PDE1C: variants seen among roughly 807,000 people sequenced by gnomAD.
PDE1C encodes phosphodiesterase 1C, also known as dual specificity calcium/calmodulin-dependent 3',5'-cyclic nucleotide phosphodiesterase 1C.
PDE1C carries 62 observed loss-of-function variants against 93.1 expected under a neutral mutation model. The observed-to-expected ratio is 0.67, with a 90% CI of 0.54 to 0.82. The LOEUF (loss-of-function observed/expected upper bound fraction) is 0.82. Among genes scored for constraint, PDE1C ranks in the 40% least tolerant of loss-of-function variants. The probability of loss-of-function intolerance (pLI) is 0.00; values close to 1 mark genes in which losing one functional copy is unlikely to be tolerated. For synonymous variants in PDE1C, 325 were observed against 310.1 expected, an observed-to-expected ratio of 1.05 and a Z score of -0.50; for missense variants, 742 against 884.6, an observed-to-expected ratio of 0.84 and a Z score of 2.04.
rs77356439 is a variant in PDE1C at position 32,423,968 on chromosome 7, C to A, written c.310+3854G>T. ...AGGAATTTCTAACAAATGCTAGGAG[C>A]CTCTCATAATCAACTTCAGATTATT... is the stretch of plus-strand genomic sequence containing the variant. On this transcript the variant is annotated intron_variant, in intron 1 of 1. Coordinates refer to the PDE1C transcript ENST00000672256. 4.4e-3 allele frequency among the ~76,000 whole-genome samples: 670 copies of A among 152,266 alleles called. 7 individuals are homozygous for A. The highest frequency in any genetic ancestry group is 0.016 in the African/African-American group (653 of 41,558).
intron 1 of PDE1C, among the ~76,000 whole-genome samples, chr7:32,413,506 G>A (rs868061050): frequency 3.3e-5 from 5 of 152,122 alleles, no homozygotes; most frequent in East Asian, 3.9e-4. Flanking sequence ...CCTCTTACAC[G>A]CAGGACCCAG....
chr7:32,113,491 G>C (rs1322956036), intron 3 of PDE1C, among the ~76,000 whole-genome samples: 1 of 150,516 alleles, frequency 6.6e-6, no homozygotes, highest in Non-Finnish European at 1.5e-5. Flanking sequence ...AAAAATAACT[G>C]TCCTTTTATT....
chr7:32,009,106 A>G (rs1325648365), intron 2 of PDE1C, among the ~76,000 whole-genome samples: 2 of 152,234 alleles, frequency 1.3e-5, no homozygotes, highest in African/African-American at 2.4e-5. Context: ...ATACAAATAC[A>G]TAAAACAATG....
At chr7:32,265,617 A>C (rs1810516619) in intron 1 of PDE1C, among the ~76,000 whole-genome samples, 1 of 152,200 alleles carries the variant, frequency 6.6e-6, no homozygotes, top group Non-Finnish European at 1.5e-5. Flanking sequence ...AAGCTAGGCT[A>C]CTTTTTAGTT....
intron 1 of PDE1C, among the ~76,000 whole-genome samples, chr7:32,220,825 C>G (rs1341763972): frequency 6.6e-6 from 1 of 151,968 alleles, no homozygotes; most frequent in Non-Finnish European, 1.5e-5. Context: ...CTCAAAAAAA[C>G]AAAAACAAAA....
the PDE1C span, chr7:31,643,710 C>A: frequency 2.5e-6 from 4 of 1,613,956 alleles, no homozygotes; most frequent in African/African-American, 2.7e-5. Context: ...AGCCCCTCAC[C>A]AAATCCGTCT....
chr7:32,112,691 G>A (rs1231469060), intron 3 of PDE1C, among the ~76,000 whole-genome samples: 1 of 151,040 alleles, frequency 6.6e-6, no homozygotes, highest in Non-Finnish European at 1.5e-5. Flanking sequence ...CTGGCCTGAA[G>A]CAATTCTCCC....
chr7:32,396,741 G>A (rs1481604246), intron 1 of PDE1C, among the ~76,000 whole-genome samples: 1 of 151,784 alleles, frequency 6.6e-6, no homozygotes, highest in Non-Finnish European at 1.5e-5. Context: ...TTTTTAAACT[G>A]GTGCCAAAAA....
chr7:31,996,896 G>A (rs1316521091), intron 2 of PDE1C, among the ~76,000 whole-genome samples: 1 of 152,142 alleles, frequency 6.6e-6, no homozygotes, highest in African/African-American at 2.4e-5. Context: ...AGATATCAGA[G>A]ATGAGAATTA....
chr7:32,237,173 A>G (rs1202350014), intron 1 of PDE1C, among the ~76,000 whole-genome samples: 2 of 144,484 alleles, frequency 1.4e-5, no homozygotes. Context: ...TGCAAGTTCT[A>G]CCACCCAGGT....
At chr7:32,110,278 C>A (rs984989192) in intron 3 of PDE1C, among the ~76,000 whole-genome samples, 1 of 152,200 alleles carries the variant, frequency 6.6e-6, no homozygotes, top group Non-Finnish European at 1.5e-5. Context: ...TACCCATCCT[C>A]TCTCCATGTG....
At chr7:32,104,954 A>G (rs1057232833) in intron 3 of PDE1C, among the ~76,000 whole-genome samples, 4 of 152,202 alleles carry the variant, frequency 2.6e-5, no homozygotes, top group East Asian at 3.9e-4. Flanking sequence ...TCAAGGCTTC[A>G]GGAAAAAATA....
intron 1 of PDE1C, among the ~76,000 whole-genome samples, chr7:32,353,918 A>C (rs753372431): frequency 5.3e-5 from 8 of 152,218 alleles, no homozygotes; most frequent in Non-Finnish European, 1.0e-4. Context: ...CCATGGTTAG[A>C]TAACTATTGT....
chr7:32,104,686 A>C (rs1798210403), intron 3 of PDE1C, among the ~76,000 whole-genome samples: 1 of 152,184 alleles, frequency 6.6e-6, no homozygotes, highest in Non-Finnish European at 1.5e-5. Flanking sequence ...AAGGAAACTG[A>C]ATCTTTGTTT....
At chr7:31,881,203 A>G (rs750123812) in intron 2 of PDE1C, among the ~76,000 whole-genome samples, 2 of 152,206 alleles carry the variant, frequency 1.3e-5, no homozygotes, top group Non-Finnish European at 2.9e-5. Context: ...CAGCAAAATC[A>G]CCAAATACCT....
At chr7:32,204,462 G>C (rs894027875) in intron 2 of PDE1C, among the ~76,000 whole-genome samples, 2 of 152,160 alleles carry the variant, frequency 1.3e-5, no homozygotes, top group African/African-American at 4.8e-5. Context: ...AGCTCTGTGG[G>C]CACTGTCTCC....
the PDE1C span, among the ~76,000 whole-genome samples, chr7:31,637,565 C>T: frequency 6.6e-6 from 1 of 152,134 alleles, no homozygotes; most frequent in South Asian, 2.1e-4. Context: ...ATATCCTTTA[C>T]CCACTTTTTG....
rs531869732 is a variant in PDE1C, at chr7:31,796,160, T to C, written c.1891+12871A>G. 1.2e-3 allele frequency among the ~76,000 whole-genome samples: 187 copies of C among 150,218 alleles called. 1 individual carries two copies. Among genetic ancestry groups the C allele is most frequent in the Middle Eastern group, 7.1e-3 (2 of 282 alleles). On this transcript the variant is annotated intron_variant, in intron 16 of 17. Transcript: ENST00000396191. ...ATGATTTAAGATGTATGTAATATAG[T>C]TTATCATAGAGGGTATATATTATGT... is the stretch of plus-strand genomic sequence containing the variant.
chr7:31,885,492 C>T (rs1454267758), intron 2 of PDE1C, among the ~76,000 whole-genome samples: 2 of 152,186 alleles, frequency 1.3e-5, no homozygotes, highest in Non-Finnish European at 2.9e-5. Flanking sequence ...CTGTATGCTT[C>T]TTACCTGCAA....
Sources: gnomAD v4.1 joint callset for allele counts (sites outside exome capture counted in the v4.1 genomes callset) on GRCh38, gnomAD v4.1.1 for gene constraint, MANE v1.5 for transcripts, NCBI Gene and HGNC (gene_info 2026-07-23, HGNC 2026-07-21) for gene names.